NRXN3: variants seen among roughly 807,000 people sequenced by gnomAD.
NRXN3 encodes the protein neurexin III.
In NRXN3, 32 loss-of-function variants were observed where a neutral mutation model predicts 137.6. That is an observed-to-expected ratio of 0.23 (90% CI 0.18 to 0.31). The LOEUF is 0.31. Ranked by LOEUF, NRXN3 falls within the 10% of genes least tolerant of loss-of-function variation. The probability of loss-of-function intolerance (pLI) is 1.00; values close to 1 mark genes in which losing one functional copy is unlikely to be tolerated. For missense variants in NRXN3, 1,574 were observed against 2,062.5 expected (o/e 0.76, Z 4.59); for synonymous variants, 798 against 784.5 (o/e 1.02, Z -0.29).
At chr14:78,620,134 C>T (rs2097386031) in intron 4 of NRXN3, among the ~76,000 whole-genome samples, 1 of 152,126 alleles carries the variant, frequency 6.6e-6, no homozygotes, top group Non-Finnish European at 1.5e-5. Context: ...ATAAAGTTAC[C>T]TGTTTTTACA....
chr14:78,729,381 CT>C (rs1249655459), intron 8 of NRXN3, among the ~76,000 whole-genome samples: 1 of 152,110 alleles, frequency 6.6e-6, no homozygotes, highest in African/African-American at 2.4e-5. Flanking sequence ...AATGAGATGG[CT>C]TTTTTTGTTC....
chr14:78,826,435 T>C (rs996740824), intron 10 of NRXN3, among the ~76,000 whole-genome samples: 2 of 152,208 alleles, frequency 1.3e-5, no homozygotes, highest in Non-Finnish European at 2.9e-5. Context: ...CCCTGGCTCA[T>C]GTTCCATTGT....
chr14:78,601,913 A>G (rs1340492825), intron 4 of NRXN3, among the ~76,000 whole-genome samples: 1 of 152,150 alleles, frequency 6.6e-6, no homozygotes, highest in Non-Finnish European at 1.5e-5. Flanking sequence ...TCCCTCATTG[A>G]GTGTCTCCTC....
rs560989524 is a variant in NRXN3 at position 79,643,145 on chromosome 14, G to A, written c.3445-20633G>A. Reference sequence around the variant, plus strand: ...GGGTACACCTCTTATCACAAGCTTCGTAGAGACCACAAAGATGCCACTTTA... The same window carrying A: ...GGGTACACCTCTTATCACAAGCTTCATAGAGACCACAAAGATGCCACTTTA... On this transcript the variant is annotated intron_variant, in intron 16 of 20. Transcript: ENST00000335750. Among the ~76,000 whole-genome samples the A allele has an allele frequency of 5.9e-5, 8 of 136,000 alleles. 1 individual carries two copies. The highest frequency in any genetic ancestry group is 1.4e-4 in the Non-Finnish European group (8 of 58,342). 89.2% of individuals were successfully genotyped at this position (136,000 alleles called of 152,430 possible).
intron 6 of NRXN3, chr14:78,697,767 T>C (rs180969301): frequency 5.9e-5 from 9 of 152,126 alleles, no homozygotes; most frequent in Non-Finnish European, 5.9e-5. Flanking sequence ...TCTATATTAT[T>C]GTCAGTTTGC....
chr14:78,417,860 G>A (rs1040152263), intron 4 of NRXN3, among the ~76,000 whole-genome samples: 20 of 152,156 alleles, frequency 1.3e-4, no homozygotes, highest in Admixed American at 1.0e-3. Context: ...GGGTTCAAGC[G>A]ATTCTCCTCT....
chr14:78,708,383 T>C (rs1387099646), intron 6 of NRXN3: 1 of 152,196 alleles, frequency 6.6e-6, no homozygotes. Context: ...GAAATAGGGC[T>C]TCAGGGTGTC....
chr14:79,669,882 T>TA (rs1167197652), intron 17 of NRXN3, among the ~76,000 whole-genome samples: 3 of 151,968 alleles, frequency 2.0e-5, no homozygotes, highest in South Asian at 2.1e-4. Context: ...TTGTTGTTTT[T>TA]AAAAAAAGCT....
chr14:79,392,166 C>A lies in NRXN3; in HGVS notation c.3263-75055C>A, dbSNP rs561000211. ...CTAACCCCCACACTCCCCAACAGGT[C>A]CTGGTGTGTGATGTTCCCCTCCCTG... On this transcript the variant is annotated intron_variant, in intron 15 of 20. Transcript: ENST00000335750. Among the ~76,000 whole-genome samples the A allele has an allele frequency of 2.6e-5, 4 of 152,222 alleles. No homozygotes were observed. The East Asian group carries it at 7.7e-4, about 29-fold the overall frequency.
Position 78,535,069 on chromosome 14 carries a change from G to A in NRXN3, c.758-110051G>A, listed in dbSNP as rs556715329. On this transcript the variant is annotated intron_variant, in intron 4 of 20. Transcript: ENST00000335750. The stretch of plus-strand genomic sequence containing the variant: ...CACAATTAATAATTGTGTGTAATGA[G>A]CAAATTAGAGCAATAATACAAGAAA... Among the ~76,000 whole-genome samples, 13 of 151,186 alleles carry A rather than the reference G, an allele frequency of 8.6e-5. No homozygotes were observed. In the South Asian group the frequency reaches 2.5e-3, roughly 29 times the overall value.
intron 15 of NRXN3, among the ~76,000 whole-genome samples, chr14:79,420,572 CTG>C (rs2153531980): frequency 6.6e-6 from 1 of 152,226 alleles, no homozygotes; most frequent in African/African-American, 2.4e-5. Flanking sequence ...AAGGGGATTC[CTG>C]CACTGAGTTA....
At chr14:79,253,794 A>G (rs986316879) in intron 15 of NRXN3, among the ~76,000 whole-genome samples, 5 of 152,202 alleles carry the variant, frequency 3.3e-5, no homozygotes, top group African/African-American at 1.2e-4. Flanking sequence ...CACCCCCACA[A>G]TCTAATCACC....
intron 15 of NRXN3, among the ~76,000 whole-genome samples, chr14:79,302,466 G>A (rs982359434): frequency 6.6e-6 from 1 of 151,970 alleles, no homozygotes; most frequent in Non-Finnish European, 1.5e-5. Context: ...AAGAGAGATA[G>A]GGGAGGAGTT....
intron 15 of NRXN3, among the ~76,000 whole-genome samples, chr14:79,213,120 GA>G (rs1488522242): frequency 6.6e-6 from 1 of 152,060 alleles, no homozygotes; most frequent in Non-Finnish European, 1.5e-5. Flanking sequence ...CTAGAAAATA[GA>G]AAATACTCTA....
intron 10 of NRXN3, among the ~76,000 whole-genome samples, chr14:78,888,265 A>G (rs895913978): frequency 5.9e-5 from 9 of 152,070 alleles, no homozygotes; most frequent in African/African-American, 2.2e-4. Context: ...TGTCCCCTAA[A>G]GGAGGTTTTC....
chr14:78,522,658 G>T (rs2096301657), intron 4 of NRXN3, among the ~76,000 whole-genome samples: 1 of 152,054 alleles, frequency 6.6e-6, no homozygotes, highest in Non-Finnish European at 1.5e-5. Flanking sequence ...TTGTAGTCGG[G>T]GTTGGGCACA....
chr14:79,054,552 T>C (rs767950351), intron 15 of NRXN3, among the ~76,000 whole-genome samples: 3 of 152,082 alleles, frequency 2.0e-5, no homozygotes, highest in African/African-American at 4.8e-5. Context: ...GTGCAAGGAG[T>C]CCTACTCCAG....
intron 15 of NRXN3, among the ~76,000 whole-genome samples, chr14:79,001,900 G>A (rs1327849529): frequency 6.6e-6 from 1 of 152,180 alleles, no homozygotes; most frequent in East Asian, 1.9e-4. Flanking sequence ...CTGGGAAAGA[G>A]TTTTTGTAAA....
chr14:78,262,852 C>T (rs929974593), intron 2 of NRXN3, among the ~76,000 whole-genome samples: 4 of 152,278 alleles, frequency 2.6e-5, no homozygotes, highest in African/African-American at 9.6e-5. Context: ...CATCTATTGA[C>T]CTCTTACTAC....
Sources: gnomAD v4.1 joint callset for allele counts (sites outside exome capture counted in the v4.1 genomes callset) on GRCh38, gnomAD v4.1.1 for gene constraint, MANE v1.5 for transcripts, NCBI Gene and HGNC (gene_info 2026-07-23, HGNC 2026-07-21) for gene names.